CCDC91: variants seen among roughly 807,000 people sequenced by gnomAD.
The protein encoded by CCDC91 is coiled-coil domain containing 91.
In CCDC91, 48 loss-of-function variants were observed where a neutral mutation model predicts 63.2. The ratio of observed to expected loss-of-function variants is 0.76; its 90% CI spans 0.60 to 0.97. The LOEUF (loss-of-function observed/expected upper bound fraction) is 0.97, where lower values mean the gene tolerates loss of function less well. Ranked by LOEUF, CCDC91 falls within the 50% of genes least tolerant of loss-of-function variation. The pLI is 0.00. For missense variants in CCDC91, 500 were observed against 494.6 expected (o/e 1.01, Z -0.10); for synonymous variants, 167 against 165.8 (o/e 1.01, Z -0.06).
intron 3 of CCDC91, among the ~76,000 whole-genome samples, chr12:28,291,559 T>C (rs1256392155): frequency 2.0e-5 from 3 of 152,160 alleles, no homozygotes; most frequent in Non-Finnish European, 4.4e-5. Flanking sequence ...ACCATGAACT[T>C]TTTGTGGTGC....
intron 6 of CCDC91, among the ~76,000 whole-genome samples, chr12:28,323,038 A>AC (rs1241754187): frequency 6.6e-6 from 1 of 151,246 alleles, no homozygotes; most frequent in Non-Finnish European, 1.5e-5. Flanking sequence ...ATTTATAAGA[A>AC]CCTTTATATA....
At chr12:28,537,216 G>A (rs1438503163) in intron 12 of CCDC91, among the ~76,000 whole-genome samples, 2 of 152,114 alleles carry the variant, frequency 1.3e-5, no homozygotes, top group South Asian at 4.1e-4. Flanking sequence ...CTACATAGCA[G>A]AGAAAGGGGG....
At chr12:28,296,704 G>C (rs1220603014) in intron 3 of CCDC91, among the ~76,000 whole-genome samples, 1 of 151,784 alleles carries the variant, frequency 6.6e-6, no homozygotes, top group Non-Finnish European at 1.5e-5. Flanking sequence ...TAGAAACAAG[G>C]ATTTTCTAAA....
intron 3 of CCDC91, among the ~76,000 whole-genome samples, chr12:28,289,860 T>G (rs1949131598): frequency 6.6e-6 from 1 of 151,342 alleles, no homozygotes; most frequent in African/African-American, 2.4e-5. Flanking sequence ...CCTGGCTAAT[T>G]TTTTGTATTT....
intron 3 of CCDC91, among the ~76,000 whole-genome samples, chr12:28,276,880 G>C (rs1948266248): frequency 1.3e-5 from 2 of 151,806 alleles, no homozygotes; most frequent in Non-Finnish European, 2.9e-5. Flanking sequence ...ATTTTTAAAG[G>C]TTTATATACA....
intron 1 of CCDC91, among the ~76,000 whole-genome samples, chr12:28,225,139 T>C (rs1372048098): frequency 6.6e-6 from 1 of 152,168 alleles, no homozygotes. Context: ...GTTTAAAGTG[T>C]AAGATACAAG....
intron 1 of CCDC91, among the ~76,000 whole-genome samples, chr12:28,207,879 T>A (rs1391163082): frequency 6.6e-6 from 1 of 152,220 alleles, no homozygotes; most frequent in East Asian, 1.9e-4. Flanking sequence ...ATTAGGTGCA[T>A]AGCACTGATA....
At chr12:28,243,661 T>G (rs764871966) in intron 1 of CCDC91, among the ~76,000 whole-genome samples, 3 of 152,122 alleles carry the variant, frequency 2.0e-5, no homozygotes, top group Non-Finnish European at 4.4e-5. Context: ...ATATATAACA[T>G]AAATCAGAGA....
At chr12:28,373,912 C>T (rs540083967) in intron 7 of CCDC91, among the ~76,000 whole-genome samples, 37 of 152,202 alleles carry the variant, frequency 2.4e-4, no homozygotes, top group Middle Eastern at 6.8e-3. Flanking sequence ...TTCTCCGTCC[C>T]GCCACCCTAT....
At chr12:28,318,622 T>G (rs1940163243) in intron 6 of CCDC91, among the ~76,000 whole-genome samples, 1 of 151,964 alleles carries the variant, frequency 6.6e-6, no homozygotes, top group Non-Finnish European at 1.5e-5. Context: ...TCTCAAAAAA[T>G]GCCAAGAATT....
chr12:28,259,569 C>G (rs1426175857), intron 3 of CCDC91, 127 bp downstream of exon 3: 2 of 610,716 alleles, frequency 3.3e-6, no homozygotes, highest in Non-Finnish European at 5.8e-6. Flanking sequence ...TGGAGTGATC[C>G]AGATTTACTC....
intron 7 of CCDC91, among the ~76,000 whole-genome samples, chr12:28,380,069 C>G (rs1166147372): frequency 6.6e-6 from 1 of 151,968 alleles, no homozygotes; most frequent in African/African-American, 2.4e-5. Context: ...CAAACTATCA[C>G]AAGGACAGAA....
At chr12:28,529,367 G>A (rs1651878127) in intron 12 of CCDC91, among the ~76,000 whole-genome samples, 2 of 152,196 alleles carry the variant, frequency 1.3e-5, no homozygotes, top group African/African-American at 2.4e-5. Context: ...ATAAGGGGAC[G>A]TGATGACTGG....
chr12:28,483,963 G>A (rs1490485539), intron 11 of CCDC91, 89 bp from the exon 12 acceptor site: 12 of 663,526 alleles, frequency 1.8e-5, no homozygotes, highest in Admixed American at 5.7e-5. Context: ...GCTGAAACCC[G>A]CTGAAGAGGA....
intron 6 of CCDC91, among the ~76,000 whole-genome samples, chr12:28,325,314 A>T (rs1940886266): frequency 6.6e-6 from 1 of 152,058 alleles, no homozygotes; most frequent in South Asian, 2.1e-4. Context: ...TTTTCTCCTG[A>T]AATGGTTAAG....
intron 6 of CCDC91, among the ~76,000 whole-genome samples, chr12:28,357,792 T>C (rs894053210): frequency 6.6e-6 from 1 of 152,034 alleles, no homozygotes; most frequent in African/African-American, 2.4e-5. Context: ...TTTTGAAGTC[T>C]TTTTTTGCTT....
intron 12 of CCDC91, among the ~76,000 whole-genome samples, chr12:28,521,379 T>G (rs1940643173): frequency 6.6e-6 from 1 of 152,144 alleles, no homozygotes; most frequent in Admixed American, 6.6e-5. Context: ...TGTTTGTCTG[T>G]TATTGGTGTA....
At chr12:28,547,420 G>A (rs2141886643) in intron 12 of CCDC91, among the ~76,000 whole-genome samples, 1 of 152,116 alleles carries the variant, frequency 6.6e-6, no homozygotes, top group South Asian at 2.1e-4. Context: ...TTTGATTGGG[G>A]TTATGTATCT....
chr12:28,353,095 C>G (rs1943289949), intron 6 of CCDC91, among the ~76,000 whole-genome samples: 3 of 152,198 alleles, frequency 2.0e-5, no homozygotes, highest in Admixed American at 2.0e-4. Flanking sequence ...GCTGCTTCAC[C>G]TGACATTTTT....
Sources: allele counts gnomAD v4.1 joint callset (sites outside exome capture counted in the v4.1 genomes callset), GRCh38; gene constraint gnomAD v4.1.1; transcripts MANE v1.5; gene names NCBI Gene and HGNC (gene_info 2026-07-23, HGNC 2026-07-21).